CDH4: variants seen among roughly 807,000 people sequenced by gnomAD.
The protein encoded by CDH4 is cadherin-4.
CDH4 carries 33 observed loss-of-function variants against 86.0 expected under a neutral mutation model. The ratio of observed to expected loss-of-function variants is 0.38; its 90% CI spans 0.29 to 0.51. The LOEUF (loss-of-function observed/expected upper bound fraction) is 0.51, where lower values mean the gene tolerates loss of function less well. Among genes scored for constraint, CDH4 ranks in the 20% least tolerant of loss-of-function variants. The probability of loss-of-function intolerance (pLI) is 0.86; values close to 1 mark genes in which losing one functional copy is unlikely to be tolerated. For missense variants in CDH4, 1,114 were observed against 1,307.4 expected (o/e 0.85, Z 2.28); for synonymous variants, 555 against 549.4 (o/e 1.01, Z -0.14).
At chr20:61,472,810 T>G (rs1294626917) in intron 2 of CDH4, among the ~76,000 whole-genome samples, 1 of 152,234 alleles carries the variant, frequency 6.6e-6, no homozygotes, top group Non-Finnish European at 1.5e-5. Context: ...GCTGAATGTA[T>G]GTAGAATTTT....
chr20:61,770,201 T>C (rs1468302158), intron 3 of CDH4, among the ~76,000 whole-genome samples: 2 of 152,160 alleles, frequency 1.3e-5, no homozygotes, highest in Non-Finnish European at 1.5e-5. Context: ...TGGGTCTCCA[T>C]GTTTGCACCT....
Position 61,383,806 on chromosome 20 carries a change from TGAAGA to T in CDH4, c.169+128870_169+128874del, listed in dbSNP as rs2084935132. Among the ~76,000 whole-genome samples, 3 of 126,262 alleles carry T rather than the reference TGAAGA, an allele frequency of 2.4e-5. 1 individual carries two copies. Among genetic ancestry groups the T allele is most frequent in the African/African-American group, 9.7e-5 (3 of 31,012 alleles). The allele number at this position is 126,262 out of a possible 152,430, so 82.8% of individuals were successfully genotyped here. A position where few individuals can be genotyped will look rare whatever the true frequency, so the allele number is the denominator to read the frequency against. On this transcript the variant is annotated intron_variant, in intron 2 of 15. Coordinates refer to ENST00000614565, the MANE Select transcript of CDH4 (RefSeq NM_001794.5). Reference sequence around the variant, plus strand: ...ATATGAAGATATATATGCATATATATGAAGATATATATGCGTATATATGAAGATAT... The same window carrying T: ...ATATGAAGATATATATGCATATATATTATATATGCGTATATATGAAGATAT...
intron 2 of CDH4, among the ~76,000 whole-genome samples, chr20:61,413,871 G>C (rs1473319380): frequency 6.6e-6 from 1 of 152,174 alleles, no homozygotes; most frequent in African/African-American, 2.4e-5. Flanking sequence ...TCGTGACAAA[G>C]ACCCACAGGC....
chr20:61,759,794 C>T (rs1354529865), intron 3 of CDH4, among the ~76,000 whole-genome samples: 3 of 152,186 alleles, frequency 2.0e-5, no homozygotes, highest in Non-Finnish European at 4.4e-5. Context: ...ACCCGAGACG[C>T]CTGTGGTTGT....
chr20:61,918,195 A>C (rs570869628), intron 9 of CDH4, among the ~76,000 whole-genome samples: 2 of 152,326 alleles, frequency 1.3e-5, no homozygotes, highest in South Asian at 4.1e-4. Context: ...AGAGGGACCA[A>C]GGCCAGACTT....
intron 2 of CDH4, among the ~76,000 whole-genome samples, chr20:61,659,936 C>T (rs1337549251): frequency 6.6e-6 from 1 of 152,244 alleles, no homozygotes; most frequent in East Asian, 1.9e-4. Flanking sequence ...CTCCTGGCCC[C>T]TCCCCAAGCC....
At chr20:61,528,245 T>C (rs1241449436) in intron 2 of CDH4, among the ~76,000 whole-genome samples, 1 of 150,872 alleles carries the variant, frequency 6.6e-6, no homozygotes, top group African/African-American at 2.4e-5. Flanking sequence ...GGAGTGGTGG[T>C]GTGTGCCTGT....
rs150029567 is a variant in CDH4, at chr20:61,369,223, C to T, written c.169+114286C>T. ...ATCCCAGCACTTTGGGAGGCTGAGG[C>T]GGGCAGATCATGAGTTCAGGAGTTC... On this transcript the variant is annotated intron_variant, in intron 2 of 15. Coordinates refer to ENST00000614565, the MANE Select transcript of CDH4 (RefSeq NM_001794.5). 9.2e-3 allele frequency among the ~76,000 whole-genome samples: 1,399 copies of T among 151,934 alleles called. 15 individuals carry two copies. Among genetic ancestry groups the T allele is most frequent in the Middle Eastern group, 0.031 (9 of 292 alleles).
intron 2 of CDH4, among the ~76,000 whole-genome samples, chr20:61,611,944 C>T (rs184910352): frequency 7.9e-5 from 12 of 152,164 alleles, no homozygotes; most frequent in Middle Eastern, 3.4e-3. Flanking sequence ...GGGATACGGG[C>T]GAGTCACCTT....
At chr20:61,529,657 G>C (rs1016864932) in intron 2 of CDH4, among the ~76,000 whole-genome samples, 1 of 152,182 alleles carries the variant, frequency 6.6e-6, no homozygotes, top group African/African-American at 2.4e-5. Flanking sequence ...GAAACATGGG[G>C]AGAGGCCCTG....
At chr20:61,813,036 A>G (rs778348377) in intron 4 of CDH4, among the ~76,000 whole-genome samples, 67 of 152,242 alleles carry the variant, frequency 4.4e-4, no homozygotes, top group African/African-American at 1.5e-3. Flanking sequence ...CCACGCACAC[A>G]TGGGAGGCTG....
At chr20:61,846,699 G>A (rs1387756065) in intron 5 of CDH4, among the ~76,000 whole-genome samples, 1 of 152,230 alleles carries the variant, frequency 6.6e-6, no homozygotes, top group Non-Finnish European at 1.5e-5. Context: ...GCCACATCTA[G>A]ATGTGGGGCA....
In CDH4 at chr20:61,684,298, C is replaced by G. The variant is rs190814424; in HGVS notation, c.170-59265C>G. Among the ~76,000 whole-genome samples the G allele has an allele frequency of 6.6e-6, 1 of 152,296 alleles. No homozygotes were observed. The highest frequency in any genetic ancestry group is 6.5e-5 in the Admixed American group (1 of 15,306). ...GCTCAGAGGGTGGCAAAGGGGCGAC[C>G]ATGCGACTGAGCCCTGTGGGAAGAG... is the stretch of plus-strand genomic sequence containing the variant. On this transcript the variant is annotated intron_variant, in intron 2 of 15. Coordinates refer to ENST00000614565, the MANE Select transcript of CDH4 (RefSeq NM_001794.5). The surrounding 1 kb of genome is among the most constrained non-coding windows in gnomAD (Gnocchi z 4.5).
At position 61,665,658 on chromosome 20, in the gene CDH4, C is replaced by T. The variant is rs551012521; in HGVS notation, c.170-77905C>T. Among the ~76,000 whole-genome samples, 6 of 152,302 alleles carry T rather than the reference C, an allele frequency of 3.9e-5. No individual in the cohort carries two copies. In the East Asian group the frequency reaches 5.8e-4, roughly 15 times the overall value. On this transcript the variant is annotated intron_variant, in intron 2 of 15. Transcript: ENST00000614565. ...GATGATGGATGCGAACGAGTGCTCC[C>T]GGCAGGCTCATGTTTATTCATTTTT...
chr20:61,346,473 G>GT (rs2123291485), intron 2 of CDH4, among the ~76,000 whole-genome samples: 1 of 152,182 alleles, frequency 6.6e-6, no homozygotes, highest in African/African-American at 2.4e-5. Flanking sequence ...ACCGGGCATG[G>GT]TGGCTCACGC....
intron 2 of CDH4, among the ~76,000 whole-genome samples, chr20:61,666,975 C>G (rs1257398710): frequency 2.0e-5 from 3 of 152,242 alleles, no homozygotes; most frequent in African/African-American, 7.2e-5. Context: ...CCCGGTCAGT[C>G]TGTATGTCCA....
Position 61,413,215 on chromosome 20 carries a change from C to G in CDH4, c.169+158278C>G, listed in dbSNP as rs1218664427. Among the ~76,000 whole-genome samples, 3 of 143,028 alleles carry G rather than the reference C, an allele frequency of 2.1e-5. No homozygotes were observed. In the East Asian group the frequency reaches 7.2e-4, roughly 35 times the overall value. The allele number at this position is 143,028 out of a possible 152,430, so 93.8% of individuals were successfully genotyped here. A position where few individuals can be genotyped will look rare whatever the true frequency, so the allele number is the denominator to read the frequency against. ...GCCCCCCACCCCTGGCCCATGCTCC[C>G]TTTCCCTGCCTGGGTGGCCTCCTTG... On this transcript the variant is annotated intron_variant, in intron 2 of 15. Coordinates refer to ENST00000614565, the MANE Select transcript of CDH4 (RefSeq NM_001794.5).
In CDH4 at chr20:61,252,462, G is replaced by T; in HGVS notation, c.-52G>T. Reference sequence around the variant, plus strand: ...TGGTCTCGGCGGCGGCGGCGGCGGCGGCGGCAGGGAGCGGGCTCCCGGTGC... The same window carrying T: ...TGGTCTCGGCGGCGGCGGCGGCGGCTGCGGCAGGGAGCGGGCTCCCGGTGC... On this transcript the variant is annotated 5_prime_UTR_variant, in exon 1 of 16. Coordinates refer to ENST00000614565, the MANE Select transcript of CDH4 (RefSeq NM_001794.5). The surrounding 1 kb of genome is among the most constrained non-coding windows in gnomAD (Gnocchi z 4.4). 1.0e-6 allele frequency: 1 copy of T among 973,330 alleles called. No individual in the cohort carries two copies. 60.3% of individuals were successfully genotyped at this position (973,330 alleles called of 1,614,324 possible). A position where few individuals can be genotyped will look rare whatever the true frequency, so the allele number is the denominator to read the frequency against.
In CDH4 at chr20:61,570,455, C is replaced by A; in HGVS notation, c.170-173108C>A. The A allele has an allele frequency of 5.4e-6, 3 of 551,992 alleles. No homozygotes were observed. In the Admixed American group the frequency reaches 9.2e-5, roughly 17 times the overall value. The allele number at this position is 551,992 out of a possible 1,614,324, so 34.2% of individuals were successfully genotyped here. The stretch of plus-strand genomic sequence containing the variant: ...CCCTGGTGCTGCCTTGAGCTTGACC[C>A]GAATTGCTTCTTCCCAGAGGCTGGG... On this transcript the variant is annotated intron_variant, in intron 2 of 15. Transcript: ENST00000614565.
Sources: allele counts gnomAD v4.1 joint callset (sites outside exome capture counted in the v4.1 genomes callset), GRCh38; gene constraint gnomAD v4.1.1; non-coding constraint Gnocchi (gnomAD v3.1); transcripts MANE v1.5; gene names NCBI Gene and HGNC (gene_info 2026-07-23, HGNC 2026-07-21).